The following SMOC1 variants were observed in gnomAD, a reference collection of about 807,000 sequenced individuals.
SMOC1 encodes the protein SPARC related modular calcium binding 1.
In SMOC1, 22 loss-of-function variants were observed where a neutral mutation model predicts 56.3. That is an observed-to-expected ratio of 0.39 (90% CI 0.28 to 0.56). The LOEUF is 0.56. Among genes scored for constraint, SMOC1 ranks in the 20% least tolerant of loss-of-function variants. The probability of loss-of-function intolerance (pLI) is 0.61; values close to 1 mark genes in which losing one functional copy is unlikely to be tolerated. For missense variants in SMOC1, 509 were observed against 565.4 expected, an observed-to-expected ratio of 0.90 and a Z score of 1.01; for synonymous variants, 193 against 215.0, an observed-to-expected ratio of 0.90 and a Z score of 0.89.
chr14:70,001,230 G>A (rs7141378), intron 7 of SMOC1, among the ~76,000 whole-genome samples: 66,418 of 151,810 alleles, frequency 0.44, 14,752 homozygotes, highest in Admixed American at 0.49. Flanking sequence ...TTGCCGCTTA[G>A]TTTTAAATGA....
At chr14:69,895,816 T>C (rs1199934014) in intron 1 of SMOC1, among the ~76,000 whole-genome samples, 1 of 151,562 alleles carries the variant, frequency 6.6e-6, no homozygotes, top group Non-Finnish European at 1.5e-5. Flanking sequence ...TTGGTCCCAA[T>C]ATTGCTGATT....
chr14:69,914,633 G>A (rs1406776067), intron 1 of SMOC1, among the ~76,000 whole-genome samples: 1 of 152,128 alleles, frequency 6.6e-6, no homozygotes, highest in Non-Finnish European at 1.5e-5. Flanking sequence ...TGGTGAAGTA[G>A]CCATTATCAT....
chr14:69,879,547 C>G lies in SMOC1; in HGVS notation c.-132C>G. On this transcript the variant is annotated 5_prime_UTR_variant, in exon 1 of 12. Transcript: ENST00000361956. The stretch of plus-strand genomic sequence containing the variant: ...CCCCTGACCGCAGCCTCTGCGAGCC[C>G]CCGCCGCAGGACCACGGCCCGCTCC... The G allele has an allele frequency of 1.6e-6, 1 of 623,734 alleles. No homozygotes were observed. The allele number at this position is 623,734 out of a possible 1,614,324, so 38.6% of individuals were successfully genotyped here.
chr14:69,965,957 T>C (rs1008064367), intron 3 of SMOC1, among the ~76,000 whole-genome samples: 13 of 152,142 alleles, frequency 8.5e-5, no homozygotes, highest in Non-Finnish European at 1.8e-4. Flanking sequence ...ATCAGAATTT[T>C]TTTTCATGTC....
At chr14:69,949,621 TGAGCCAAAATCCGAAGCAGGGTGG>T (rs1882920514) in intron 1 of SMOC1, among the ~76,000 whole-genome samples, 1 of 152,160 alleles carries the variant, frequency 6.6e-6, no homozygotes, top group Admixed American at 6.5e-5. Flanking sequence ...AGAGACCGCC[TGAGCCAAAATCCGAAGCAGGGTGG>T]GAGGGAATGG....
intron 1 of SMOC1, among the ~76,000 whole-genome samples, chr14:69,912,894 C>T (rs1884590322): frequency 6.6e-6 from 1 of 152,146 alleles, no homozygotes. Context: ...TCAGGCTTTC[C>T]CTTATTTCAC....
In SMOC1 at chr14:69,916,766, C is replaced by A. The variant is rs550948333; in HGVS notation, c.100-35372C>A. Among the ~76,000 whole-genome samples, 11 of 152,336 alleles carry A rather than the reference C, an allele frequency of 7.2e-5. No individual in the cohort carries two copies. The East Asian group carries it at 2.1e-3, about 29-fold the overall frequency. Reference sequence around the variant, plus strand: ...CCAGCCTATGGGTAAGAACTGCCATCTTCACCCTCCTTACACCCTTTACAT... The same window carrying A: ...CCAGCCTATGGGTAAGAACTGCCATATTCACCCTCCTTACACCCTTTACAT... On this transcript the variant is annotated intron_variant, in intron 1 of 11. Transcript: ENST00000361956.
chr14:69,907,354 A>G (rs867482676), intron 1 of SMOC1, among the ~76,000 whole-genome samples: 1 of 152,234 alleles, frequency 6.6e-6, no homozygotes. Context: ...ACTCTGAGAA[A>G]TTCTTTCTGT....
intron 1 of SMOC1, among the ~76,000 whole-genome samples, chr14:69,905,933 A>G (rs1157763282): frequency 6.6e-6 from 1 of 152,226 alleles, no homozygotes; most frequent in Non-Finnish European, 1.5e-5. Context: ...ATTTGTGCAT[A>G]TTCTAAATCA....
At chr14:69,937,965 T>C (rs1882385391) in intron 1 of SMOC1, among the ~76,000 whole-genome samples, 1 of 152,194 alleles carries the variant, frequency 6.6e-6, no homozygotes, top group Non-Finnish European at 1.5e-5. Flanking sequence ...AGCCTGCACT[T>C]GCTCAGCTTC....
At chr14:69,884,929 C>T (rs1883753975) in intron 1 of SMOC1, among the ~76,000 whole-genome samples, 1 of 151,974 alleles carries the variant, frequency 6.6e-6, no homozygotes. Flanking sequence ...TTTTGTGGTT[C>T]TACAAAAATT....
At chr14:70,005,640 T>C (rs1594851141) in intron 7 of SMOC1, among the ~76,000 whole-genome samples, 1 of 152,296 alleles carries the variant, frequency 6.6e-6, no homozygotes, top group Non-Finnish European at 1.5e-5. Context: ...GTTTTTTCTA[T>C]TGTGTTTCTT....
chr14:69,988,479 C>T (rs1884448097), intron 5 of SMOC1, among the ~76,000 whole-genome samples: 1 of 152,190 alleles, frequency 6.6e-6, no homozygotes, highest in African/African-American at 2.4e-5. Context: ...AAGGACCACT[C>T]AAATAATCTA....
intron 3 of SMOC1, among the ~76,000 whole-genome samples, chr14:69,959,260 G>A (rs1594823790): frequency 7.9e-5 from 12 of 152,070 alleles, no homozygotes; most frequent in Non-Finnish European, 1.5e-5. Flanking sequence ...AATGTATCAC[G>A]AATCCTAAAA....
chr14:69,939,021 A>G (rs997352833), intron 1 of SMOC1, among the ~76,000 whole-genome samples: 1 of 152,200 alleles, frequency 6.6e-6, no homozygotes, highest in African/African-American at 2.4e-5. Context: ...GAACAGGTTC[A>G]GCTGATCAGC....
chr14:69,989,106 CT>C (rs1306061891), intron 5 of SMOC1, among the ~76,000 whole-genome samples: 1 of 152,194 alleles, frequency 6.6e-6, no homozygotes, highest in Non-Finnish European at 1.5e-5. Context: ...TTTAAAGAGA[CT>C]GTCAAACTCC....
intron 1 of SMOC1, among the ~76,000 whole-genome samples, chr14:69,933,659 A>G (rs1885225193): frequency 6.6e-6 from 1 of 152,114 alleles, no homozygotes; most frequent in Non-Finnish European, 1.5e-5. Flanking sequence ...CTGGGACTAC[A>G]GGTGCACACC....
At chr14:69,928,677 C>A (rs1885082894) in intron 1 of SMOC1, among the ~76,000 whole-genome samples, 1 of 151,976 alleles carries the variant, frequency 6.6e-6, no homozygotes, top group Admixed American at 6.6e-5. Flanking sequence ...GAAACAAGAG[C>A]CTGCTTCACA....
intron 5 of SMOC1, among the ~76,000 whole-genome samples, chr14:69,985,353 A>G (rs1884328390): frequency 6.6e-6 from 1 of 152,208 alleles, no homozygotes; most frequent in South Asian, 2.1e-4. Context: ...AAAAACAACT[A>G]AACATACATA....
Sources: gnomAD v4.1 joint callset for allele counts (sites outside exome capture counted in the v4.1 genomes callset) on GRCh38, gnomAD v4.1.1 for gene constraint, MANE v1.5 for transcripts, NCBI Gene and HGNC (gene_info 2026-07-23, HGNC 2026-07-21) for gene names.